Variants in CNGB1 observed in about 807,000 individuals in gnomAD.
The protein encoded by CNGB1 is cyclic nucleotide gated channel subunit beta 1, also known as cyclic nucleotide-gated channel beta-1.
A neutral mutation model predicts 151.7 loss-of-function variants in CNGB1; 126 were observed. The observed-to-expected ratio is 0.83, with a 90% CI of 0.72 to 0.96. The LOEUF (loss-of-function observed/expected upper bound fraction) is 0.96. Ranked by LOEUF, CNGB1 falls within the 40% of genes least tolerant of loss-of-function variation. CNGB1 has a pLI of 0.00. For synonymous variants in CNGB1, 623 were observed against 635.1 expected, an observed-to-expected ratio of 0.98 and a Z score of 0.29; for missense variants, 1,698 against 1,627.0, an observed-to-expected ratio of 1.04 and a Z score of -0.75.
chr16:57,906,239 A>G (rs1202768780), intron 25 of CNGB1, among the ~76,000 whole-genome samples: 1 of 152,150 alleles, frequency 6.6e-6, no homozygotes, highest in Non-Finnish European at 1.5e-5. Context: ...TTCCTTCTCC[A>G]TAAGATGGGG....
At chr16:57,931,213 C>T (rs1201959627) in intron 17 of CNGB1, among the ~76,000 whole-genome samples, 1 of 151,590 alleles carries the variant, frequency 6.6e-6, no homozygotes, top group Non-Finnish European at 1.5e-5. Context: ...GGCTGCAGTG[C>T]AATGGCACAA....
intron 2 of CNGB1, among the ~76,000 whole-genome samples, chr16:57,965,085 T>C (rs1478646882): frequency 2.7e-5 from 4 of 150,370 alleles, no homozygotes; most frequent in Non-Finnish European, 4.4e-5. Context: ...CAAACAAATA[T>C]ACATGCACAT....
At chr16:57,923,077 G>T in intron 18 of CNGB1, 196 bp downstream of exon 18, 1 of 476,580 alleles carries the variant, frequency 2.1e-6, no homozygotes, top group African/African-American at 2.0e-5. Context: ...CAGAGGTTGA[G>T]CCCACTGGAT....
intron 16 of CNGB1, among the ~76,000 whole-genome samples, chr16:57,938,596 G>A (rs562469228): frequency 2.6e-4 from 40 of 152,308 alleles, no homozygotes; most frequent in African/African-American, 9.1e-4. Context: ...GGGTCACACA[G>A]CAAGGAAGAG....
chr16:57,969,441 A>G (rs1962486014), intron 1 of CNGB1, among the ~76,000 whole-genome samples: 2 of 152,020 alleles, frequency 1.3e-5, no homozygotes, highest in African/African-American at 4.8e-5. Context: ...ACATGATGAA[A>G]CCCTGTCTCT....
intron 7 of CNGB1, 54 bp from the exon 8 acceptor site, chr16:57,960,969 T>A: frequency 6.4e-7 from 1 of 1,551,340 alleles, no homozygotes; most frequent in Non-Finnish European, 8.9e-7. Flanking sequence ...GCCAGCGCAC[T>A]AACAGCCCAC....
intron 17 of CNGB1, among the ~76,000 whole-genome samples, chr16:57,930,832 AAGT>A (rs1393334723): frequency 6.6e-6 from 1 of 152,132 alleles, no homozygotes; most frequent in African/African-American, 2.4e-5. Context: ...TAGAATGAAA[AAGT>A]AGAATGGTGG....
At chr16:57,968,865 TAA>T (rs749886638) in intron 1 of CNGB1, among the ~76,000 whole-genome samples, 16,135 of 122,664 alleles carry the variant, frequency 0.13, 971 homozygotes, top group Non-Finnish European at 0.14. Context: ...TGTCTCTATT[TAA>T]AAAAAAAAAA....
intron 22 of CNGB1, 146 bp downstream of exon 22, chr16:57,915,983 G>T: frequency 1.3e-6 from 1 of 797,902 alleles, no homozygotes; most frequent in Non-Finnish European, 2.3e-6. Flanking sequence ...CCTGGGGCTT[G>T]TGGTTTGGAG....
intron 18 of CNGB1, among the ~76,000 whole-genome samples, chr16:57,922,005 C>T (rs1268168226): frequency 2.6e-5 from 4 of 152,142 alleles, no homozygotes; most frequent in African/African-American, 9.7e-5. Context: ...TCTCATTATA[C>T]CTCATTTCTG....
intron 16 of CNGB1, 122 bp downstream of exon 16, chr16:57,939,308 G>T: frequency 7.2e-7 from 1 of 1,381,736 alleles, no homozygotes; most frequent in Non-Finnish European, 1.0e-6. Context: ...TGGCTGAGGG[G>T]GCAATGGGGG....
intron 3 of CNGB1, 128 bp from the exon 4 acceptor site, chr16:57,964,330 G>C (rs1376913696): frequency 7.4e-7 from 1 of 1,354,064 alleles, no homozygotes; most frequent in African/African-American, 1.4e-5. Flanking sequence ...CTCCAGCTCA[G>C]CTCAACTGAA....
At chr16:57,934,873 C>T (rs555203437) in intron 16 of CNGB1, among the ~76,000 whole-genome samples, 3 of 151,050 alleles carry the variant, frequency 2.0e-5, no homozygotes, top group Admixed American at 6.6e-5. Flanking sequence ...AGGTGAATGG[C>T]GTGAACCCGG....
At chr16:57,950,644 T>C (rs1961925860) in intron 12 of CNGB1, 104 bp from the exon 13 acceptor site, 2 of 1,148,340 alleles carry the variant, frequency 1.7e-6, no homozygotes, top group African/African-American at 1.5e-5. Context: ...TCGCCAGCAG[T>C]GCCTCAGTGC....
At chr16:57,931,289 A>G (rs1961339524) in intron 17 of CNGB1, among the ~76,000 whole-genome samples, 1 of 151,852 alleles carries the variant, frequency 6.6e-6, no homozygotes, top group Non-Finnish European at 1.5e-5. Flanking sequence ...AGTAGCTGGG[A>G]TTACAGGAGT....
intron 27 of CNGB1, among the ~76,000 whole-genome samples, chr16:57,901,879 A>G (rs569716923): frequency 5.9e-5 from 9 of 152,292 alleles, no homozygotes; most frequent in African/African-American, 2.2e-4. Context: ...CACCTCCTCC[A>G]GGAAGCCTTC....
intron 10 of CNGB1, among the ~76,000 whole-genome samples, 170 bp downstream of exon 10, chr16:57,959,718 G>C (rs565934967): frequency 3.3e-4 from 51 of 152,374 alleles, no homozygotes; most frequent in African/African-American, 1.2e-3. Flanking sequence ...AAGCTTGGAC[G>C]TGCATAGAAA....
chr16:57,886,661 G>C (rs1349230911), intron 32 of CNGB1, among the ~76,000 whole-genome samples: 1 of 152,118 alleles, frequency 6.6e-6, no homozygotes, highest in African/African-American at 2.4e-5. Context: ...AGACTGTTAA[G>C]CCCAGTCTGC....
intron 9 of CNGB1, among the ~76,000 whole-genome samples, 180 bp from the exon 10 acceptor site, chr16:57,960,245 A>C (rs1166641712): frequency 6.6e-6 from 1 of 152,192 alleles, no homozygotes; most frequent in Non-Finnish European, 1.5e-5. Context: ...AGACCCAGGG[A>C]GGGGAAGAGA....
Sources: gnomAD v4.1 joint callset for allele counts (sites outside exome capture counted in the v4.1 genomes callset) on GRCh38, gnomAD v4.1.1 for gene constraint, MANE v1.5 for transcripts, NCBI Gene and HGNC (gene_info 2026-07-23, HGNC 2026-07-21) for gene names.